Variants in WDR17 observed in about 807,000 individuals in gnomAD.
The protein encoded by WDR17 is WD repeat-containing protein 17.
A neutral mutation model predicts 161.7 loss-of-function variants in WDR17; 143 were observed. The observed-to-expected ratio is 0.88, with a 90% confidence interval of 0.77 to 1.02. The LOEUF (loss-of-function observed/expected upper bound fraction) is 1.02. Ranked by LOEUF, WDR17 falls within the 50% of genes least tolerant of loss-of-function variation. The pLI is 0.00. For missense variants in WDR17, 1,469 were observed against 1,520.9 expected, an observed-to-expected ratio of 0.97 and a Z score of 0.57; for synonymous variants, 517 against 515.6, an observed-to-expected ratio of 1.00 and a Z score of -0.04.
At chr4:176,149,231 AT>A (rs33950521) in intron 13 of WDR17, among the ~76,000 whole-genome samples, 1 of 151,642 alleles carries the variant, frequency 6.6e-6, no homozygotes, top group Admixed American at 6.6e-5. Flanking sequence ...CTTTCTAATA[AT>A]TTTTTTCTTT....
chr4:176,104,583 T>C (rs892864391), intron 1 of WDR17, among the ~76,000 whole-genome samples: 5 of 152,018 alleles, frequency 3.3e-5, no homozygotes, highest in African/African-American at 1.2e-4. Flanking sequence ...TTTTTTGACA[T>C]CAACAACTTA....
chr4:176,132,110 G>T (rs1184018546), intron 7 of WDR17, among the ~76,000 whole-genome samples: 1 of 151,930 alleles, frequency 6.6e-6, no homozygotes, highest in East Asian at 1.9e-4. Flanking sequence ...AGTAACGTTG[G>T]ATTATGTTTT....
At chr4:176,132,275 C>G (rs895050213) in intron 7 of WDR17, among the ~76,000 whole-genome samples, 1 of 152,030 alleles carries the variant, frequency 6.6e-6, no homozygotes, top group Non-Finnish European at 1.5e-5. Flanking sequence ...GCCCCACTAC[C>G]TAATATAGTA....
chr4:176,124,441 AT>A (rs1284348388), intron 4 of WDR17, among the ~76,000 whole-genome samples: 2 of 152,236 alleles, frequency 1.3e-5, no homozygotes, highest in African/African-American at 4.8e-5. Context: ...GTGAATTATA[AT>A]TATGGCAAAT....
chr4:176,151,881 G>A lies in WDR17; in HGVS notation c.2374G>A (p.Glu792Lys), dbSNP rs773370930. The A allele has an allele frequency of 2.5e-6, 4 of 1,613,218 alleles. No homozygotes were observed. In the African/African-American group the frequency reaches 5.3e-5, roughly 22 times the overall value. Residue 792 changes from glutamate to lysine, a missense_variant, in exon 17 of 29, where the codon GAG becomes AAG. Glu to Lys is a moderately conservative substitution (Grantham distance 56, BLOSUM62 1). Coordinates refer to ENST00000508596, the MANE Select transcript of WDR17 (RefSeq NM_181265.4). ...TGGTGGTATTGGTGTACCTGCTAAA[G>A]AGGAAAGACTGAAGGAAGCTGCTGA... The part of the protein sequence containing the change: ...FGGGIGVPAK[E>K]ERLKEAAEIH...
chr4:176,151,878 A>G lies in WDR17; in HGVS notation c.2371A>G (p.Lys791Glu), dbSNP rs770032011. Residue 791 changes from lysine to glutamate, a missense_variant, in exon 17 of 29, where the codon AAA (lysine) becomes GAA (glutamate). Physicochemically the swap from Lys to Glu is moderately conservative, Grantham distance 56. Transcript: ENST00000508596. ...TGGTGGTGGTATTGGTGTACCTGCT[A>G]AAGAGGAAAGACTGAAGGAAGCTGC... is the stretch of plus-strand genomic sequence containing the variant. Reference protein sequence around the residue: ...KFGGGIGVPAKEERLKEAAEI... With the variant: ...KFGGGIGVPAEEERLKEAAEI... 3.7e-6 allele frequency: 6 copies of G among 1,613,260 alleles called. No homozygotes were observed. Among genetic ancestry groups the G allele is most frequent in the Non-Finnish European group, 5.1e-6 (6 of 1,179,642 alleles).
At position 176,155,716 on chromosome 4, in the gene WDR17, AAT is replaced by A. The variant is rs113370958; in HGVS notation, c.2461-344_2461-343del. 2.3e-3 allele frequency among the ~76,000 whole-genome samples: 306 copies of A among 130,282 alleles called. 1 individual carries two copies. The highest frequency in any genetic ancestry group is 8.3e-3 in the African/African-American group (278 of 33,642). The allele number at this position is 130,282 out of a possible 152,430, so 85.5% of individuals were successfully genotyped here. A position where few individuals can be genotyped will look rare whatever the true frequency, so the allele number is the denominator to read the frequency against. ...TGCACCACCACATCTGACTAATTAAAATATATATATATATATATATGTTTTGG... is the reference window on the plus strand; with the variant it reads ...TGCACCACCACATCTGACTAATTAAAATATATATATATATATATGTTTTGG... On this transcript the variant is annotated intron_variant, in intron 17 of 28. Transcript: ENST00000508596.
At chr4:176,158,239 A>G (rs1259103509) in intron 18 of WDR17, among the ~76,000 whole-genome samples, 1 of 152,226 alleles carries the variant, frequency 6.6e-6, no homozygotes, top group Non-Finnish European at 1.5e-5. Flanking sequence ...GAGGCCAGTT[A>G]GAAGGCAATT....
intron 3 of WDR17, among the ~76,000 whole-genome samples, chr4:176,118,987 A>G (rs1741101368): frequency 6.6e-6 from 1 of 151,904 alleles, no homozygotes; most frequent in South Asian, 2.1e-4. Context: ...TATAAAATAA[A>G]TAAATAAATA....
intron 17 of WDR17, among the ~76,000 whole-genome samples, chr4:176,154,203 G>C (rs908172374): frequency 6.6e-6 from 1 of 151,976 alleles, no homozygotes; most frequent in Non-Finnish European, 1.5e-5. Flanking sequence ...GTCCTAAGGC[G>C]GGCACGGTGG....
chr4:176,066,547 A>G (rs1732552405), intron 1 of WDR17, among the ~76,000 whole-genome samples: 1 of 152,200 alleles, frequency 6.6e-6, no homozygotes, highest in South Asian at 2.1e-4. Context: ...TATTGGATAT[A>G]AGGCAGGTAT....
At chr4:176,131,812 C>G in intron 7 of WDR17, 74 bp downstream of exon 7, 5 of 1,142,376 alleles carry the variant, frequency 4.4e-6, no homozygotes, top group Non-Finnish European at 5.9e-6. Flanking sequence ...TTTTACCTGT[C>G]TGAATATTAT....
chr4:176,122,127 A>G (rs1741689766), intron 4 of WDR17, among the ~76,000 whole-genome samples: 1 of 152,196 alleles, frequency 6.6e-6, no homozygotes, highest in South Asian at 2.1e-4. Context: ...GCCCAAAGAA[A>G]GGATCTGTTC....
intron 1 of WDR17, 176 bp from the exon 2 acceptor site, chr4:176,111,399 T>G: frequency 2.1e-6 from 1 of 480,214 alleles, no homozygotes; most frequent in East Asian, 3.8e-5. Context: ...CCTTGATGTC[T>G]GCAGACATTT....
chr4:176,162,316 CCTAATT>C, intron 21 of WDR17, 142 bp downstream of exon 21: 4 of 624,722 alleles, frequency 6.4e-6, no homozygotes, highest in Non-Finnish European at 1.1e-5. Flanking sequence ...TAATTACATT[CCTAATT>C]AGCACACATA....
chr4:176,171,042 A>G (rs542950506), intron 23 of WDR17, among the ~76,000 whole-genome samples: 2 of 152,258 alleles, frequency 1.3e-5, no homozygotes, highest in South Asian at 4.2e-4. Flanking sequence ...ATAATATCTC[A>G]TGTAATTTAA....
At chr4:176,116,341 A>T (rs1433448328) in intron 3 of WDR17, among the ~76,000 whole-genome samples, 1 of 151,932 alleles carries the variant, frequency 6.6e-6, no homozygotes, top group African/African-American at 2.4e-5. Context: ...TCCAACCTTT[A>T]AATTACAAAG....
chr4:176,150,727 C>A, intron 16 of WDR17, 134 bp downstream of exon 16: 1 of 870,960 alleles, frequency 1.1e-6, no homozygotes, highest in Non-Finnish European at 1.6e-6. Context: ...GGAGATCCAT[C>A]TTGGGTAAAA....
At chr4:176,082,904 G>C (rs1355837037) in intron 1 of WDR17, among the ~76,000 whole-genome samples, 2 of 143,668 alleles carry the variant, frequency 1.4e-5, no homozygotes, top group African/African-American at 2.5e-5. Flanking sequence ...ACATACTTTT[G>C]AAAAGCTTAT....
Sources: gnomAD v4.1 joint callset for allele counts (sites outside exome capture counted in the v4.1 genomes callset) on GRCh38, gnomAD v4.1.1 for gene constraint, MANE v1.5 for transcripts, NCBI Gene and HGNC (gene_info 2026-07-23, HGNC 2026-07-21) for gene names.